The following NOL4 variants were observed in gnomAD, a reference collection of about 807,000 sequenced individuals.
NOL4 encodes cancer/testis antigen 125.
A neutral mutation model predicts 75.9 loss-of-function variants in NOL4; 17 were observed. The observed-to-expected ratio is 0.22, with a 90% confidence interval of 0.15 to 0.34. The LOEUF is 0.34. NOL4 is among the 10% of genes least tolerant of loss of function. The probability of loss-of-function intolerance (pLI) is 1.00; values close to 1 mark genes in which losing one functional copy is unlikely to be tolerated. For synonymous variants in NOL4, 292 were observed against 289.9 expected (o/e 1.01, Z -0.07); for missense variants, 614 against 793.5 (o/e 0.77, Z 2.72).
chr18:34,210,201 A>T (rs2036419271), intron 1 of NOL4, among the ~76,000 whole-genome samples: 1 of 152,216 alleles, frequency 6.6e-6, no homozygotes, highest in Non-Finnish European at 1.5e-5. Flanking sequence ...TGAGTCATTA[A>T]GCATGTTGAG....
chr18:33,956,919 G>C (rs947101953), intron 8 of NOL4, among the ~76,000 whole-genome samples: 1 of 152,042 alleles, frequency 6.6e-6, no homozygotes, highest in East Asian at 1.9e-4. Flanking sequence ...TTTTGATTTA[G>C]AGAATGCCAT....
In NOL4 at chr18:34,174,542, GTGTTT is replaced by G. The variant is rs1035939458; in HGVS notation, c.265-44527_265-44523del. ...CCACATTTTTTTTCCTTTTTTTATT[GTGTTT>G]TAAGTTCTAGGGTACATGTGCAGAA... On this transcript the variant is annotated intron_variant, in intron 1 of 10. Transcript: ENST00000261592. Among the ~76,000 whole-genome samples the G allele has an allele frequency of 3.1e-3, 459 of 149,198 alleles. 7 individuals are homozygous for G. Among genetic ancestry groups the G allele is most frequent in the African/African-American group, 0.01 (431 of 41,122 alleles).
chr18:34,058,259 G>C (rs1179058714), intron 5 of NOL4, among the ~76,000 whole-genome samples: 1 of 151,942 alleles, frequency 6.6e-6, no homozygotes, highest in Non-Finnish European at 1.5e-5. Context: ...TCAGCCTCCC[G>C]AGTAGCTGGG....
chr18:33,937,339 C>A (rs547952699), intron 9 of NOL4, among the ~76,000 whole-genome samples: 1 of 152,196 alleles, frequency 6.6e-6, no homozygotes, highest in Admixed American at 6.6e-5. Flanking sequence ...ATGTTCATAG[C>A]TCAAAGAGCT....
chr18:33,943,959 T>C (rs1047143860), intron 8 of NOL4, among the ~76,000 whole-genome samples: 1 of 151,894 alleles, frequency 6.6e-6, no homozygotes, highest in African/African-American at 2.4e-5. Context: ...ACAAAAATTA[T>C]GATTTTCATT....
chr18:34,092,923 A>G (rs187415532), intron 5 of NOL4, among the ~76,000 whole-genome samples: 1 of 152,316 alleles, frequency 6.6e-6, no homozygotes, highest in East Asian at 1.9e-4. Flanking sequence ...TGAACCCAGG[A>G]ATAAGAGATC....
At chr18:34,071,366 T>C (rs993429741) in intron 5 of NOL4, among the ~76,000 whole-genome samples, 1 of 150,604 alleles carries the variant, frequency 6.6e-6, no homozygotes, top group African/African-American at 2.5e-5. Flanking sequence ...AAAAATAGAG[T>C]TTAAAATACT....
At chr18:33,865,481 C>A (rs1173479413) in intron 10 of NOL4, among the ~76,000 whole-genome samples, 1 of 151,990 alleles carries the variant, frequency 6.6e-6, no homozygotes, top group Non-Finnish European at 1.5e-5. Flanking sequence ...CACAGAGGGA[C>A]AGCTGTAATG....
At chr18:34,025,413 C>G (rs990559936) in intron 5 of NOL4, among the ~76,000 whole-genome samples, 1 of 152,120 alleles carries the variant, frequency 6.6e-6, no homozygotes, top group Non-Finnish European at 1.5e-5. Context: ...AGTAGAGCTG[C>G]CTATCATATA....
In NOL4 at chr18:34,031,658, T is replaced by C. The variant is rs1010933114; in HGVS notation, c.773-12057A>G. 2.5e-4 allele frequency among the ~76,000 whole-genome samples: 38 copies of C among 152,220 alleles called. 1 individual carries two copies. In the Middle Eastern group the frequency reaches 0.014, roughly 55 times the overall value. On this transcript the variant is annotated intron_variant, in intron 5 of 10. Transcript: ENST00000261592. ...AAGATGATTATCCAAGAGAAAACAC[T>C]AAAATTCAATATGAAAGTGACAGGA...
At chr18:33,904,563 C>T (rs1023889774) in intron 9 of NOL4, among the ~76,000 whole-genome samples, 3 of 152,038 alleles carry the variant, frequency 2.0e-5, no homozygotes, top group African/African-American at 7.2e-5. Flanking sequence ...CAATAAGATA[C>T]CAAATCATAA....
chr18:34,067,568 T>C (rs2077334671), intron 5 of NOL4, among the ~76,000 whole-genome samples: 1 of 151,980 alleles, frequency 6.6e-6, no homozygotes. Flanking sequence ...GACTCGAAAG[T>C]GGAGAAAAGT....
At chr18:33,995,004 A>G (rs1227135535) in intron 6 of NOL4, among the ~76,000 whole-genome samples, 5 of 151,698 alleles carry the variant, frequency 3.3e-5, no homozygotes, top group Non-Finnish European at 5.9e-5. Flanking sequence ...TTAAATGCCA[A>G]TAAATTAGTA....
chr18:33,968,493 G>T (rs975580827), intron 6 of NOL4, among the ~76,000 whole-genome samples: 1 of 152,086 alleles, frequency 6.6e-6, no homozygotes, highest in African/African-American at 2.4e-5. Context: ...GCAGCTGTAG[G>T]TCATTATCCT....
chr18:34,030,571 T>C (rs139352274), intron 5 of NOL4, among the ~76,000 whole-genome samples: 80 of 152,334 alleles, frequency 5.3e-4, no homozygotes, highest in African/African-American at 1.9e-3. Context: ...TTGTTTTGTA[T>C]TTGTTGATAG....
intron 1 of NOL4, among the ~76,000 whole-genome samples, chr18:34,203,158 T>A (rs1194352682): frequency 6.6e-6 from 1 of 151,940 alleles, no homozygotes; most frequent in Non-Finnish European, 1.5e-5. Context: ...CTCCAGGGAA[T>A]TATACTAAGT....
chr18:34,002,778 C>T (rs1245958567), intron 6 of NOL4, among the ~76,000 whole-genome samples: 1 of 152,020 alleles, frequency 6.6e-6, no homozygotes, highest in African/African-American at 2.4e-5. Flanking sequence ...CCAATTAAGT[C>T]CCCATTTACT....
intron 2 of NOL4, chr18:34,129,037 G>A (rs566506570): frequency 1.2e-5 from 2 of 160,044 alleles, no homozygotes; most frequent in African/African-American, 4.8e-5. Flanking sequence ...TGCACATTTT[G>A]CTCATATAGG....
intron 9 of NOL4, among the ~76,000 whole-genome samples, 154 bp downstream of exon 9, chr18:33,942,911 T>A (rs2068591026): frequency 6.6e-6 from 1 of 151,938 alleles, no homozygotes. Flanking sequence ...TGAACACACA[T>A]TTTCAAGTTT....
Sources: allele counts gnomAD v4.1 joint callset (sites outside exome capture counted in the v4.1 genomes callset), GRCh38; gene constraint gnomAD v4.1.1; transcripts MANE v1.5; gene names NCBI Gene and HGNC (gene_info 2026-07-23, HGNC 2026-07-21).